Variants in TSEN15 observed in about 807,000 individuals in gnomAD.
The protein encoded by TSEN15 is tRNA-splicing endonuclease subunit Sen15.
A neutral mutation model predicts 20.5 loss-of-function variants in TSEN15; 10 were observed. The ratio of observed to expected loss-of-function variants is 0.49; its 90% confidence interval spans 0.30 to 0.83. The LOEUF is 0.83. Among genes scored for constraint, TSEN15 ranks in the 40% least tolerant of loss-of-function variants. TSEN15 has a pLI of 0.06. For synonymous variants in TSEN15, 72 were observed against 80.1 expected, an observed-to-expected ratio of 0.90 and a Z score of 0.54; for missense variants, 180 against 218.6, an observed-to-expected ratio of 0.82 and a Z score of 1.11.
At chr1:184,094,283 A>C (rs1371498636) in intron 3 of TSEN15, 2 of 152,280 alleles carry the variant, frequency 1.3e-5, no homozygotes, top group African/African-American at 4.8e-5. Context: ...GATCCCATGC[A>C]TTCTGTTGAA....
chr1:184,092,441 G>T (rs1402932514), intron 3 of TSEN15, among the ~76,000 whole-genome samples: 1 of 152,190 alleles, frequency 6.6e-6, no homozygotes, highest in Non-Finnish European at 1.5e-5. Context: ...ACAAATAACT[G>T]CAGTGGAAGA....
At chr1:184,089,956 G>A (rs1196249670) in intron 3 of TSEN15, among the ~76,000 whole-genome samples, 1 of 152,178 alleles carries the variant, frequency 6.6e-6, no homozygotes, top group Non-Finnish European at 1.5e-5. Context: ...ACTGGACCAT[G>A]TTTGCCAGTA....
rs1270158464 is a variant in TSEN15 at position 184,054,351 on chromosome 1, C to T, written c.136-3C>T. On this transcript the variant is annotated splice_polypyrimidine_tract_variant and splice_region_variant and intron_variant, in intron 1 of 4. Coordinates refer to ENST00000645668, the MANE Select transcript of TSEN15 (RefSeq NM_052965.4). ...AATTTGACAATTATATTTTAATTTT[C>T]AGTATCTAGAAATGATGGAATTAGA... 3 of 1,540,890 alleles carry T rather than the reference C, an allele frequency of 1.9e-6. No homozygotes were observed. The Admixed American group carries it at 5.6e-5, about 29-fold the overall frequency.
chr1:184,094,199 A>G (rs1239116818), intron 3 of TSEN15: 1 of 152,214 alleles, frequency 6.6e-6, no homozygotes, highest in African/African-American at 2.4e-5. Flanking sequence ...GGAAAATAAG[A>G]CCCAGAAAAG....
chr1:184,075,911 T>TA (rs71297848), downstream of TSEN15, among the ~76,000 whole-genome samples: 35,001 of 102,076 alleles, frequency 0.34, 4,215 homozygotes, highest in Admixed American at 0.36. Flanking sequence ...TATATATATA[T>TA]TTTTTTTTTT....
rs1650953790 is a variant in TSEN15 at position 184,073,120 on chromosome 1, G to A, written c.*273G>A. 2.8e-6 allele frequency: 1 copy of A among 354,754 alleles called. No individual in the cohort carries two copies. Among genetic ancestry groups the A allele is most frequent in the Non-Finnish European group, 5.0e-6 (1 of 198,896 alleles). 22.0% of individuals were successfully genotyped at this position (354,754 alleles called of 1,614,324 possible). On this transcript the variant is annotated 3_prime_UTR_variant, in exon 5 of 5. Transcript: ENST00000645668. ...GTTTATGCCTAGGATGTATTCAGATGGGTGGGACCTGTGTGCTGCTTTTGT... is the reference window on the plus strand; with the variant it reads ...GTTTATGCCTAGGATGTATTCAGATAGGTGGGACCTGTGTGCTGCTTTTGT...
intron 1 of TSEN15, 111 bp downstream of exon 1, chr1:184,052,001 A>T: frequency 8.7e-7 from 1 of 1,152,730 alleles, no homozygotes; most frequent in Non-Finnish European, 1.1e-6. Context: ...GACGCGCGCC[A>T]CCCTCACCGA....
intron 4 of TSEN15, 166 bp downstream of exon 4, chr1:184,072,464 G>A (rs1242257536): frequency 6.1e-6 from 4 of 657,864 alleles, no homozygotes; most frequent in Non-Finnish European, 9.6e-6. Context: ...GTTATATTTT[G>A]TTCAAAGTAG....
intron 3 of TSEN15, among the ~76,000 whole-genome samples, chr1:184,061,382 A>C (rs1330044071): frequency 6.6e-6 from 1 of 152,170 alleles, no homozygotes; most frequent in Non-Finnish European, 1.5e-5. Context: ...GTTGGGTAGC[A>C]TACACAGCTG....
intron 3 of TSEN15, among the ~76,000 whole-genome samples, chr1:184,067,024 C>G (rs890751664): frequency 3.9e-5 from 6 of 152,134 alleles, no homozygotes; most frequent in African/African-American, 1.4e-4. Context: ...TTTTATGATG[C>G]TGATGTAAAT....
At chr1:184,076,098 C>T (rs1651056369), downstream of TSEN15, among the ~76,000 whole-genome samples, 1 of 151,772 alleles carries the variant, frequency 6.6e-6, no homozygotes, top group African/African-American at 2.4e-5. Context: ...GCAGGTATTC[C>T]TTGTTGTATT....
intron 4 of TSEN15, chr1:184,072,502 A>G: frequency 1.8e-6 from 1 of 567,220 alleles, no homozygotes; most frequent in Non-Finnish European, 3.0e-6. Context: ...TTGCAAAAAA[A>G]AAATTGATTT....
chr1:184,084,383 T>C (rs1651225318), intron 3 of TSEN15, among the ~76,000 whole-genome samples: 1 of 151,890 alleles, frequency 6.6e-6, no homozygotes, highest in South Asian at 2.1e-4. Context: ...TCTGTTATTC[T>C]AACTATCACA....
chr1:184,081,467 C>G (rs981943199), intron 3 of TSEN15, among the ~76,000 whole-genome samples: 6 of 152,188 alleles, frequency 3.9e-5, no homozygotes, highest in African/African-American at 1.2e-4. Flanking sequence ...CCACGTTTCA[C>G]TAGCCAAAGG....
chr1:184,095,315 T>A (rs1231749656), intron 3 of TSEN15: 2 of 392,204 alleles, frequency 5.1e-6, no homozygotes, highest in Non-Finnish European at 9.0e-6. Flanking sequence ...AACAACTTAT[T>A]GTTGGTGGTG....
downstream of TSEN15, among the ~76,000 whole-genome samples, chr1:184,074,753 A>G (rs1651024785): frequency 6.6e-6 from 1 of 152,126 alleles, no homozygotes; most frequent in Non-Finnish European, 1.5e-5. Context: ...ACAAAATAGT[A>G]TAAAGCATCA....
chr1:184,059,950 T>G (rs540297618), intron 3 of TSEN15, among the ~76,000 whole-genome samples: 11 of 152,226 alleles, frequency 7.2e-5, no homozygotes, highest in Admixed American at 1.3e-4. Context: ...TTGCAATGTG[T>G]AAGTTTTCAC....
At chr1:184,078,526 G>A (rs191235921), downstream of TSEN15, among the ~76,000 whole-genome samples, 222 of 152,136 alleles carry the variant, frequency 1.5e-3, 1 homozygote, top group Admixed American at 0.012. Context: ...CTCTGGTGCC[G>A]CCTTTGCCTT....
chr1:184,059,997 C>T lies in TSEN15; in HGVS notation c.353+5134C>T, dbSNP rs114228941. Among the ~76,000 whole-genome samples, 860 of 152,224 alleles carry T rather than the reference C, an allele frequency of 5.6e-3. 6 individuals are homozygous for T. The highest frequency in any genetic ancestry group is 0.02 in the African/African-American group (812 of 41,520). ...AGATTTATAACATGTGCATAACTGA[C>T]AGGTTAATTTAGAATTAGCTTCTGT... On this transcript the variant is annotated intron_variant, in intron 3 of 4. Transcript: ENST00000645668.
Sources: gnomAD v4.1 joint callset for allele counts (sites outside exome capture counted in the v4.1 genomes callset) on GRCh38, gnomAD v4.1.1 for gene constraint, MANE v1.5 for transcripts, NCBI Gene and HGNC (gene_info 2026-07-23, HGNC 2026-07-21) for gene names.